The following PAPPA variants were observed in gnomAD, a reference collection of about 807,000 sequenced individuals.
PAPPA encodes the protein pappalysin 1.
In PAPPA, 60 loss-of-function variants were observed where a neutral mutation model predicts 164.0. The ratio of observed to expected loss-of-function variants is 0.37; its 90% CI spans 0.30 to 0.45. The LOEUF (loss-of-function observed/expected upper bound fraction) is 0.45, where lower values mean the gene tolerates loss of function less well. PAPPA is among the 20% of genes least tolerant of loss of function. PAPPA has a pLI of 1.00. For synonymous variants in PAPPA, 875 were observed against 814.1 expected (o/e 1.07, Z -1.27); for missense variants, 1,782 against 2,087.3 (o/e 0.85, Z 2.85).
At chr9:116,282,135 A>C (rs1845275302) in intron 9 of PAPPA, among the ~76,000 whole-genome samples, 1 of 152,218 alleles carries the variant, frequency 6.6e-6, no homozygotes, top group Non-Finnish European at 1.5e-5. Flanking sequence ...TGTGAACACC[A>C]AAATCTGTGG....
chr9:116,391,152 T>C (rs1197240234), intron 21 of PAPPA, among the ~76,000 whole-genome samples: 2 of 152,168 alleles, frequency 1.3e-5, no homozygotes, highest in Non-Finnish European at 2.9e-5. Context: ...CACTTTATCC[T>C]CCATTTATCC....
At chr9:116,364,763 G>A (rs1442313628) in intron 18 of PAPPA, among the ~76,000 whole-genome samples, 1 of 152,176 alleles carries the variant, frequency 6.6e-6, no homozygotes, top group African/African-American at 2.4e-5. Context: ...GAGAAAGAGG[G>A]GAAGGGGTGG....
chr9:116,348,111 A>T (rs1846235019), intron 15 of PAPPA, among the ~76,000 whole-genome samples: 1 of 152,034 alleles, frequency 6.6e-6, no homozygotes, highest in South Asian at 2.1e-4. Context: ...CCTTAGGAGG[A>T]CCATCATTTT....
chr9:116,340,211 A>G (rs988273038), intron 13 of PAPPA, among the ~76,000 whole-genome samples: 1 of 152,100 alleles, frequency 6.6e-6, no homozygotes, highest in African/African-American at 2.4e-5. Flanking sequence ...GAAGCAGCAG[A>G]GCCTTTTATT....
intron 1 of PAPPA, among the ~76,000 whole-genome samples, chr9:116,170,575 T>C (rs1041624768): frequency 3.3e-5 from 5 of 151,742 alleles, no homozygotes; most frequent in African/African-American, 1.2e-4. Flanking sequence ...TACCCATCTA[T>C]TAACTCTCCT....
chr9:116,261,123 GGA>G (rs1844996174), intron 7 of PAPPA, among the ~76,000 whole-genome samples: 2 of 152,078 alleles, frequency 1.3e-5, no homozygotes, highest in South Asian at 4.2e-4. Flanking sequence ...ATTATTCGAG[GGA>G]TTGTTCTTTT....
chr9:116,274,633 G>A (rs1845175801), intron 9 of PAPPA, among the ~76,000 whole-genome samples: 1 of 152,106 alleles, frequency 6.6e-6, no homozygotes, highest in Admixed American at 6.5e-5. Flanking sequence ...TGTAGAAAAT[G>A]GTAAAAGCCC....
At chr9:116,157,575 G>A (rs1196107693) in intron 1 of PAPPA, among the ~76,000 whole-genome samples, 2 of 152,062 alleles carry the variant, frequency 1.3e-5, no homozygotes, top group Admixed American at 6.5e-5. Flanking sequence ...CCTTTTGGCC[G>A]AATGGGGAGA....
chr9:116,163,636 T>C (rs1479320213), intron 1 of PAPPA, among the ~76,000 whole-genome samples: 3 of 152,202 alleles, frequency 2.0e-5, no homozygotes, highest in Non-Finnish European at 4.4e-5. Context: ...AAGTTGGCAA[T>C]AGTTCCAGTT....
chr9:116,191,721 A>C (rs892048840), intron 2 of PAPPA, among the ~76,000 whole-genome samples: 2 of 152,200 alleles, frequency 1.3e-5, no homozygotes, highest in African/African-American at 4.8e-5. Context: ...GGCATTTGAG[A>C]ATAGGCAGCC....
chr9:116,332,763 CTGAG>C, intron 12 of PAPPA: 1 of 262,338 alleles, frequency 3.8e-6, no homozygotes, highest in Non-Finnish European at 7.3e-6. Context: ...AGGAGAGAGA[CTGAG>C]TAAGAGCCAT....
chr9:116,356,751 T>C (rs1442910630), intron 17 of PAPPA, among the ~76,000 whole-genome samples: 2 of 152,210 alleles, frequency 1.3e-5, no homozygotes, highest in Non-Finnish European at 2.9e-5. Context: ...CTGTTTTGGT[T>C]TCTGTAGCCT....
intron 6 of PAPPA, among the ~76,000 whole-genome samples, chr9:116,229,836 A>C (rs893455442): frequency 6.6e-6 from 1 of 152,196 alleles, no homozygotes; most frequent in African/African-American, 2.4e-5. Context: ...GGCTGTGAGA[A>C]TGGAGAGAAG....
chr9:116,342,942 T>C (rs1482635443), intron 13 of PAPPA, among the ~76,000 whole-genome samples: 1 of 152,298 alleles, frequency 6.6e-6, no homozygotes, highest in East Asian at 1.9e-4. Context: ...TCCTGCCATT[T>C]AGGAAACATC....
At chr9:116,258,904 C>T (rs1332909371) in intron 7 of PAPPA, among the ~76,000 whole-genome samples, 2 of 152,108 alleles carry the variant, frequency 1.3e-5, no homozygotes, top group South Asian at 2.1e-4. Flanking sequence ...GAGGCCAAGG[C>T]AGGTGGATCA....
chr9:116,314,060 C>CTTTTTTTTT (rs57871796), intron 10 of PAPPA, among the ~76,000 whole-genome samples: 12 of 69,728 alleles, frequency 1.7e-4, no homozygotes, highest in African/African-American at 2.0e-4. Context: ...TGCATCGAAT[C>CTTTTTTTTT]TTTTTTTTTT....
At chr9:116,166,813 A>G (rs1843724328) in intron 1 of PAPPA, among the ~76,000 whole-genome samples, 2 of 152,166 alleles carry the variant, frequency 1.3e-5, no homozygotes, top group South Asian at 4.1e-4. Flanking sequence ...TTCATCCTCA[A>G]GGCCTGACAC....
chr9:116,321,335 G>A lies in PAPPA; in HGVS notation c.3148-9909G>A, dbSNP rs117635786. Among the ~76,000 whole-genome samples the A allele has an allele frequency of 4.6e-3, 706 of 152,286 alleles. 3 individuals are homozygous for A. Among genetic ancestry groups the A allele is most frequent in the Non-Finnish European group, 7.4e-3 (504 of 68,030 alleles). ...AGCCACCGCGCCTGGCCATACATTC[G>A]CTTAGCATCTAAGCTGGACCTTCCT... is the stretch of plus-strand genomic sequence containing the variant. On this transcript the variant is annotated intron_variant, in intron 10 of 21. Transcript: ENST00000328252.
At chr9:116,175,870 C>T (rs1270888113) in intron 1 of PAPPA, among the ~76,000 whole-genome samples, 2 of 152,136 alleles carry the variant, frequency 1.3e-5, no homozygotes, top group Non-Finnish European at 2.9e-5. Flanking sequence ...ATTAGATCAA[C>T]AACTAAACAA....
Sources: allele counts gnomAD v4.1 joint callset (sites outside exome capture counted in the v4.1 genomes callset), GRCh38; gene constraint gnomAD v4.1.1; transcripts MANE v1.5; gene names NCBI Gene and HGNC (gene_info 2026-07-23, HGNC 2026-07-21).